PCDHA3: variants seen among roughly 807,000 people sequenced by gnomAD.
PCDHA3 encodes protocadherin alpha 3.
A neutral mutation model predicts 62.2 loss-of-function variants in PCDHA3; 41 were observed. The observed-to-expected ratio is 0.66, with a 90% CI of 0.51 to 0.86. The LOEUF is 0.86. PCDHA3 is among the 40% of genes least tolerant of loss of function. The pLI, the probability that PCDHA3 is intolerant of heterozygous loss-of-function variation, is 0.00. For synonymous variants in PCDHA3, 640 were observed against 555.4 expected (o/e 1.15, Z -2.14); for missense variants, 1,304 against 1,241.2 (o/e 1.05, Z -0.76).
intron 1 of PCDHA3, chr5:140,834,400 G>A: frequency 1.2e-6 from 2 of 1,605,520 alleles, no homozygotes; most frequent in Non-Finnish European, 8.5e-7. Flanking sequence ...TGCCCGAATG[G>A]ATACGACCCA....
At chr5:140,838,694 G>A (rs765335937) in intron 1 of PCDHA3, among the ~76,000 whole-genome samples, 2 of 151,960 alleles carry the variant, frequency 1.3e-5, no homozygotes, top group African/African-American at 4.8e-5. Context: ...CCAACATTTC[G>A]GGAGGCCGAG....
At position 140,807,745 on chromosome 5, in the gene PCDHA3, C is replaced by T. The variant is rs782662590; in HGVS notation, c.2394+4154C>T. On this transcript the variant is annotated intron_variant, in intron 1 of 3. Transcript: ENST00000522353. ...TTTCTCTGGAAAAACCACCTGATGA[C>T]GAGCTGGTAAAAGGTCTTGGGCTTA... 19 of 1,614,132 alleles carry T rather than the reference C, an allele frequency of 1.2e-5. No homozygotes were observed. In the Admixed American group the frequency reaches 3.2e-4, roughly 27 times the overall value.
At chr5:140,942,361 G>A (rs1554214935) in intron 1 of PCDHA3, among the ~76,000 whole-genome samples, 1 of 151,920 alleles carries the variant, frequency 6.6e-6, no homozygotes, top group East Asian at 1.9e-4. Context: ...GCAGTTAACG[G>A]AGATTGCACC....
At position 140,870,696 on chromosome 5, in the gene PCDHA3, G is replaced by A. The variant is rs377050637; in HGVS notation, c.2394+67105G>A. The A allele has an allele frequency of 1.1e-5, 17 of 1,612,906 alleles. No individual in the cohort carries two copies. The African/African-American group carries it at 1.9e-4, about 18-fold the overall frequency. ...ACCACGAGGAGCTGGAGCTGCTACA[G>A]TTCCAGGTGAGCGCGCGCGATGCGG... On this transcript the variant is annotated intron_variant, in intron 1 of 3. Coordinates refer to ENST00000522353, the MANE Select transcript of PCDHA3 (RefSeq NM_018906.3).
At chr5:141,003,814 G>A (rs2098139841) in intron 3 of PCDHA3, among the ~76,000 whole-genome samples, 1 of 152,088 alleles carries the variant, frequency 6.6e-6, no homozygotes, top group Admixed American at 6.6e-5. Context: ...CTGTAGTCTG[G>A]GAAGGGCTCT....
intron 3 of PCDHA3, among the ~76,000 whole-genome samples, chr5:141,003,397 C>T (rs370088269): frequency 2.0e-5 from 3 of 152,086 alleles, no homozygotes; most frequent in African/African-American, 4.8e-5. Flanking sequence ...CTGAAACCTC[C>T]GCCTCCCGGG....
intron 1 of PCDHA3, among the ~76,000 whole-genome samples, chr5:140,932,700 A>G (rs1584752908): frequency 6.6e-6 from 1 of 151,992 alleles, no homozygotes; most frequent in East Asian, 1.9e-4. Flanking sequence ...AAAAACTCAT[A>G]TAGACAACAC....
intron 1 of PCDHA3, among the ~76,000 whole-genome samples, chr5:140,932,531 G>A (rs1379233805): frequency 4.6e-5 from 7 of 151,752 alleles, no homozygotes; most frequent in Non-Finnish European, 8.9e-5. Context: ...TGGCATTCAA[G>A]GTGCTTTATT....
At chr5:140,834,699 C>T (rs2150224551) in intron 1 of PCDHA3, 1 of 1,614,262 alleles carries the variant, frequency 6.2e-7, no homozygotes. Flanking sequence ...CAGCATCCAC[C>T]TGGAGGTGAT....
chr5:141,009,356 G>A (rs535761188), intron 3 of PCDHA3, among the ~76,000 whole-genome samples: 1 of 152,204 alleles, frequency 6.6e-6, no homozygotes, highest in Admixed American at 6.5e-5. Flanking sequence ...CTACTTGGGA[G>A]GCTAAGATGG....
chr5:140,822,315 T>C lies in PCDHA3; in HGVS notation c.2394+18724T>C, dbSNP rs145095373. ...ATCCAAACGAATATTTTGACTTAGA[T>C]GTTAAAACAAATGAAGAAGAAACGA... On this transcript the variant is annotated intron_variant, in intron 1 of 3. Coordinates refer to ENST00000522353, the MANE Select transcript of PCDHA3 (RefSeq NM_018906.3). 1.0e-4 allele frequency: 164 copies of C among 1,614,198 alleles called. No homozygotes were observed. The African/African-American group carries it at 2.0e-3, about 20-fold the overall frequency.
chr5:140,870,551 C>G (rs1554164401), intron 1 of PCDHA3: 11 of 1,614,022 alleles, frequency 6.8e-6, no homozygotes, highest in African/African-American at 1.3e-5. Flanking sequence ...GACGCGGACG[C>G]GCAGGAGAAC....
chr5:140,982,264 TG>T, intron 2 of PCDHA3: 1 of 865,882 alleles, frequency 1.2e-6, no homozygotes, highest in Non-Finnish European at 1.7e-6. Flanking sequence ...TGTGTGTTCC[TG>T]GAATAGTATA....
At chr5:140,846,369 CTTTCTTTT>C (rs1383135260) in intron 1 of PCDHA3, among the ~76,000 whole-genome samples, 4 of 102,192 alleles carry the variant, frequency 3.9e-5, no homozygotes, top group Admixed American at 2.1e-4. Context: ...TCTTTTCTTT[CTTTCTTTT>C]TTTTTTTTTT....
At chr5:140,838,077 AGTGTGTGTG>A (rs1443750865) in intron 1 of PCDHA3, among the ~76,000 whole-genome samples, 47 of 80,696 alleles carry the variant, frequency 5.8e-4, no homozygotes, top group South Asian at 1.3e-3. Flanking sequence ...ATATATATAT[AGTGTGTGTG>A]TGTGTGTGTG....
At chr5:140,832,391 G>A (rs2150201447) in intron 1 of PCDHA3, among the ~76,000 whole-genome samples, 3 of 152,134 alleles carry the variant, frequency 2.0e-5, no homozygotes, top group East Asian at 1.9e-4. Flanking sequence ...GGCAGAAACT[G>A]GTAGTGGTAT....
intron 1 of PCDHA3, chr5:140,817,081 T>G (rs1314606602): frequency 1.3e-5 from 2 of 152,230 alleles, no homozygotes; most frequent in Non-Finnish European, 2.9e-5. Flanking sequence ...CTGAGGAGCA[T>G]CAGCCCGCCA....
Position 140,982,836 on chromosome 5 carries a change from T to C in PCDHA3, c.2542+273T>C, listed in dbSNP as rs2097010696. 2.6e-5 allele frequency among the ~76,000 whole-genome samples: 4 copies of C among 152,244 alleles called. No individual in the cohort carries two copies. The South Asian group carries it at 8.3e-4, about 32-fold the overall frequency. ...ATGAAGTTTTTGGGGTTTGTTTGTT[T>C]GTTTAAATCAGGTACCTTTCAAATG... On this transcript the variant is annotated intron_variant, in intron 3 of 3. Coordinates refer to ENST00000522353, the MANE Select transcript of PCDHA3 (RefSeq NM_018906.3).
intron 1 of PCDHA3, chr5:140,822,777 A>C (rs1767430616): frequency 1.2e-6 from 2 of 1,614,096 alleles, no homozygotes; most frequent in Non-Finnish European, 1.7e-6. Flanking sequence ...GACACTGTAA[A>C]GTAGTAGTGA....
Sources: gnomAD v4.1 joint callset for allele counts (sites outside exome capture counted in the v4.1 genomes callset) on GRCh38, gnomAD v4.1.1 for gene constraint, MANE v1.5 for transcripts, NCBI Gene and HGNC (gene_info 2026-07-23, HGNC 2026-07-21) for gene names.